The following STS variants were observed in gnomAD, a reference collection of about 807,000 sequenced individuals.
The protein encoded by STS is steroid sulfatase, also known as steryl-sulfatase.
A neutral mutation model predicts 26.8 loss-of-function variants in STS; 7 were observed. That is an observed-to-expected ratio of 0.26 (90% confidence interval 0.15 to 0.49). The LOEUF is 0.49. Among genes scored for constraint, STS ranks in the 20% least tolerant of loss-of-function variants. The pLI, the probability that STS is intolerant of heterozygous loss-of-function variation, is 0.98. For missense variants in STS, 434 were observed against 465.6 expected, an observed-to-expected ratio of 0.93 and a Z score of 0.63; for synonymous variants, 199 against 189.4, an observed-to-expected ratio of 1.05 and a Z score of -0.42.
intron 2 of STS, among the ~76,000 whole-genome samples, chrX:7,192,563 CA>C (rs58572921): frequency 6.6e-4 from 59 of 89,356 alleles, no homozygotes; most frequent in Admixed American, 1.0e-3. Flanking sequence ...GACTCCATCT[CA>C]AAAAAAAAAA....
At chrX:7,212,738 A>G (rs1398041613) in intron 2 of STS, among the ~76,000 whole-genome samples, 1 of 111,871 alleles carries the variant, frequency 8.9e-6, no homozygotes, top group Non-Finnish European at 1.9e-5. Context: ...ATACTAAACA[A>G]ACAATTTTCT....
chrX:7,176,740 C>T (rs1352953638), intron 1 of STS, among the ~76,000 whole-genome samples: 2 of 110,947 alleles, frequency 1.8e-5, no homozygotes, highest in East Asian at 2.9e-4. Flanking sequence ...AGAACTTACT[C>T]GCTAACACAA....
At chrX:7,318,014 C>A (rs1252507678) in intron 8 of STS, among the ~76,000 whole-genome samples, 2 of 111,757 alleles carry the variant, frequency 1.8e-5, no homozygotes, top group Non-Finnish European at 3.8e-5. Flanking sequence ...AGAACTATAC[C>A]TAATACCATC....
At chrX:7,188,879 C>T (rs1933821497) in intron 1 of STS, among the ~76,000 whole-genome samples, 1 of 111,474 alleles carries the variant, frequency 9.0e-6, no homozygotes, top group Non-Finnish European at 1.9e-5. Context: ...GAAGGGGAGA[C>T]CCTGCCCAGT....
intron 10 of STS, among the ~76,000 whole-genome samples, chrX:7,336,246 C>CG (rs537108647): frequency 1.9e-5 from 2 of 104,016 alleles, no homozygotes; most frequent in Admixed American, 2.1e-4. Flanking sequence ...ACTGCCCCCC[C>CG]CACCCGCCCC....
At chrX:7,191,089 C>T in intron 2 of STS, 81 bp downstream of exon 2, 1 of 520,369 alleles carries the variant, frequency 1.9e-6, no homozygotes, top group African/African-American at 2.6e-5. Flanking sequence ...TTGTCTAAGT[C>T]AAATAGTGGT....
chrX:7,302,895 G>A (rs1167839718), intron 7 of STS, among the ~76,000 whole-genome samples: 4 of 111,394 alleles, frequency 3.6e-5, no homozygotes, highest in Non-Finnish European at 7.5e-5. Context: ...CAGTTGTTGT[G>A]GACATCCTAG....
intron 1 of STS, among the ~76,000 whole-genome samples, chrX:7,171,094 C>T (rs1456318239): frequency 9.0e-6 from 1 of 111,511 alleles, no homozygotes; most frequent in African/African-American, 3.3e-5. Flanking sequence ...CAGAGGAACC[C>T]TCCAAATCCA....
chrX:7,285,513 G>T (rs939270647), intron 7 of STS, among the ~76,000 whole-genome samples: 2 of 111,260 alleles, frequency 1.8e-5, no homozygotes, highest in Non-Finnish European at 3.8e-5. Context: ...AATGACAAAA[G>T]ACTTAAAAAG....
chrX:7,204,261 C>G (rs183794854), intron 2 of STS, among the ~76,000 whole-genome samples: 27 of 111,705 alleles, frequency 2.4e-4, no homozygotes, highest in African/African-American at 8.8e-4. Flanking sequence ...AATTTTCTAA[C>G]CCAAGTGTTG....
chrX:7,310,674 C>G (rs1926434471), intron 8 of STS, among the ~76,000 whole-genome samples: 1 of 111,879 alleles, frequency 8.9e-6, no homozygotes, highest in Non-Finnish European at 1.9e-5. Flanking sequence ...ACTGCAGCTG[C>G]TTCTCACCTG....
chrX:7,231,262 A>G (rs1310876199), intron 2 of STS, among the ~76,000 whole-genome samples: 1 of 112,263 alleles, frequency 8.9e-6, no homozygotes, highest in Non-Finnish European at 1.9e-5. Flanking sequence ...GGAATGAGAT[A>G]CACCTGACAG....
chrX:7,312,889 A>G (rs890312064), intron 8 of STS, among the ~76,000 whole-genome samples: 3 of 112,011 alleles, frequency 2.7e-5, no homozygotes, highest in Non-Finnish European at 5.6e-5. Context: ...TTCTCTCCCT[A>G]TTTCTTCCCT....
rs1403064588 is a variant in STS at position 7,350,907 on chromosome X, A to G, written c.*646A>G. ...TATATAGTTATGCATACATACACACACACACATACAGTATATTCTTTCCTC... is the reference window on the plus strand; with the variant it reads ...TATATAGTTATGCATACATACACACGCACACATACAGTATATTCTTTCCTC... On this transcript the variant is annotated 3_prime_UTR_variant, in exon 11 of 11. Transcript: ENST00000674429. 2 of 112,588 alleles carry G rather than the reference A, an allele frequency of 1.8e-5. No homozygotes were observed. The highest frequency in any genetic ancestry group is 3.7e-5 in the Non-Finnish European group (2 of 53,567). The allele number at this position is 112,588 out of a possible 1,213,427, so 9.3% of individuals were successfully genotyped here. A position where few individuals can be genotyped will look rare whatever the true frequency, so the allele number is the denominator to read the frequency against.
chrX:7,258,938 G>C (rs955311148), intron 5 of STS, among the ~76,000 whole-genome samples: 1 of 108,912 alleles, frequency 9.2e-6, no homozygotes, highest in Admixed American at 9.8e-5. Flanking sequence ...GTATTTTTCT[G>C]TAGAGTGTGG....
At chrX:7,314,239 C>T (rs1223025567) in intron 8 of STS, among the ~76,000 whole-genome samples, 1 of 111,370 alleles carries the variant, frequency 9.0e-6, no homozygotes, top group Non-Finnish European at 1.9e-5. Flanking sequence ...TGCTTGCAGT[C>T]CAGCTACTCC....
In STS at chrX:7,186,847, A is replaced by T. The variant is rs1933781688; in HGVS notation, c.-133-4033A>T. Reference sequence around the variant, plus strand: ...AAATAGACTCTGAGGTGCTCAGGAGATTTTTTGTGGGGAGTGTATTCTTGG... The same window carrying T: ...AAATAGACTCTGAGGTGCTCAGGAGTTTTTTTGTGGGGAGTGTATTCTTGG... On this transcript the variant is annotated intron_variant, in intron 1 of 10. Transcript: ENST00000674429. Among the ~76,000 whole-genome samples, 4 of 111,535 alleles carry T rather than the reference A, an allele frequency of 3.6e-5. No individual in the cohort carries two copies. In the South Asian group the frequency reaches 1.5e-3, roughly 43 times the overall value.
At chrX:7,195,841 T>A (rs754053391) in intron 2 of STS, among the ~76,000 whole-genome samples, 5 of 112,111 alleles carry the variant, frequency 4.5e-5, no homozygotes, top group African/African-American at 1.3e-4. Context: ...GATAGAAGTT[T>A]CTGTGACTAA....
chrX:7,191,122 A>T (rs745481336), intron 2 of STS, 114 bp downstream of exon 2: 1 of 295,447 alleles, frequency 3.4e-6, no homozygotes, highest in East Asian at 2.3e-4. Context: ...TGATAATGGT[A>T]TTGAGGACAT....
Sources: gnomAD v4.1 joint callset for allele counts (sites outside exome capture counted in the v4.1 genomes callset) on GRCh38, gnomAD v4.1.1 for gene constraint, MANE v1.5 for transcripts, NCBI Gene and HGNC (gene_info 2026-07-23, HGNC 2026-07-21) for gene names.